CAMTA1: variants seen among roughly 807,000 people sequenced by gnomAD.
The protein encoded by CAMTA1 is calmodulin-binding transcription activator 1.
A neutral mutation model predicts 170.9 loss-of-function variants in CAMTA1; 27 were observed. That is an observed-to-expected ratio of 0.16 (90% CI 0.12 to 0.22). The LOEUF (loss-of-function observed/expected upper bound fraction) is 0.22. Among genes scored for constraint, CAMTA1 ranks in the 10% least tolerant of loss-of-function variants. The pLI, the probability that CAMTA1 is intolerant of heterozygous loss-of-function variation, is 1.00. For synonymous variants in CAMTA1, 833 were observed against 891.5 expected, an observed-to-expected ratio of 0.93 and a Z score of 1.17; for missense variants, 1,619 against 2,217.2, an observed-to-expected ratio of 0.73 and a Z score of 5.42.
At chr1:7,397,304 T>G (rs2089398802) in intron 5 of CAMTA1, among the ~76,000 whole-genome samples, 1 of 152,178 alleles carries the variant, frequency 6.6e-6, no homozygotes. Context: ...TCTCTTATGA[T>G]CCTTTGTATT....
intron 6 of CAMTA1, among the ~76,000 whole-genome samples, chr1:7,507,565 A>C (rs1056227691): frequency 5.9e-5 from 9 of 152,200 alleles, no homozygotes; most frequent in African/African-American, 4.8e-5. Context: ...CATCTTAGTA[A>C]TTGAAAGTGG....
At chr1:7,432,980 C>A (rs1051727711) in intron 5 of CAMTA1, among the ~76,000 whole-genome samples, 12 of 152,204 alleles carry the variant, frequency 7.9e-5, no homozygotes, top group Non-Finnish European at 4.4e-5. Context: ...ATCTCCAGAC[C>A]CGACAGACCC....
chr1:7,619,759 C>T (rs958399767), intron 6 of CAMTA1, among the ~76,000 whole-genome samples: 3 of 151,910 alleles, frequency 2.0e-5, no homozygotes, highest in South Asian at 2.1e-4. Context: ...AAGCGATTCT[C>T]GTGCCCCAGC....
chr1:7,649,499 G>A (rs1203149434), intron 7 of CAMTA1, among the ~76,000 whole-genome samples: 1 of 152,234 alleles, frequency 6.6e-6, no homozygotes, highest in East Asian at 1.9e-4. Context: ...CTGCCAGAAT[G>A]CCTGCAGCCC....
chr1:7,253,735 T>C (rs1341150865), intron 5 of CAMTA1, among the ~76,000 whole-genome samples: 1 of 152,216 alleles, frequency 6.6e-6, no homozygotes, highest in African/African-American at 2.4e-5. Flanking sequence ...AGCCTGGGTC[T>C]GCTTGGTTCT....
chr1:7,579,552 C>CTTTCTTTCTTT (rs1436192966), intron 6 of CAMTA1, among the ~76,000 whole-genome samples: 1 of 79,194 alleles, frequency 1.3e-5, no homozygotes, highest in African/African-American at 5.9e-5. Flanking sequence ...CTTTTCTTTT[C>CTTTCTTTCTTT]TTTTTTTTTT....
intron 11 of CAMTA1, among the ~76,000 whole-genome samples, chr1:7,708,019 A>T (rs998473260): frequency 2.0e-5 from 3 of 152,170 alleles, no homozygotes; most frequent in African/African-American, 7.2e-5. Flanking sequence ...CCATGATATG[A>T]TACCTTGTGA....
chr1:7,709,319 G>T (rs1436984943), intron 11 of CAMTA1, among the ~76,000 whole-genome samples: 1 of 152,202 alleles, frequency 6.6e-6, no homozygotes, highest in Non-Finnish European at 1.5e-5. Context: ...TATCCAGCGT[G>T]ATGCTACTCA....
intron 4 of CAMTA1, among the ~76,000 whole-genome samples, chr1:7,202,216 C>T (rs1010031037): frequency 1.4e-4 from 21 of 152,116 alleles, no homozygotes; most frequent in African/African-American, 5.1e-4. Flanking sequence ...GGGTTTATTT[C>T]TAGGCTGTCA....
chr1:7,504,449 G>A (rs771902572), intron 6 of CAMTA1, among the ~76,000 whole-genome samples: 34 of 152,226 alleles, frequency 2.2e-4, no homozygotes, highest in Admixed American at 9.2e-4. Context: ...ACCCCTGTCC[G>A]TCAGGGAGGC....
intron 6 of CAMTA1, among the ~76,000 whole-genome samples, chr1:7,528,879 A>AAGC (rs576625292): frequency 2.0e-5 from 3 of 152,228 alleles, no homozygotes; most frequent in Non-Finnish European, 4.4e-5. Context: ...CTCCATCCTG[A>AAGC]AGCAGCTGAC....
chr1:7,563,376 G>T (rs1420685415), intron 6 of CAMTA1, among the ~76,000 whole-genome samples: 1 of 152,202 alleles, frequency 6.6e-6, no homozygotes, highest in Non-Finnish European at 1.5e-5. Context: ...TTGGGGAGAT[G>T]GTCAGGACTG....
intron 6 of CAMTA1, among the ~76,000 whole-genome samples, chr1:7,557,084 G>T (rs1277002472): frequency 6.6e-6 from 1 of 152,058 alleles, no homozygotes; most frequent in Non-Finnish European, 1.5e-5. Flanking sequence ...GAGGCGGGAG[G>T]ATTGCCAGAC....
At chr1:7,008,691 TA>T (rs1699364687) in intron 3 of CAMTA1, 1 of 152,188 alleles carries the variant, frequency 6.6e-6, no homozygotes, top group Admixed American at 6.5e-5. Context: ...CCCTTACGAG[TA>T]GCTCTGAAAG....
intron 3 of CAMTA1, among the ~76,000 whole-genome samples, chr1:6,916,668 G>A (rs1466286299): frequency 6.6e-6 from 1 of 152,158 alleles, no homozygotes; most frequent in Non-Finnish European, 1.5e-5. Flanking sequence ...ACCCATGGTG[G>A]GCTCCCTAGG....
At chr1:7,071,503 C>A (rs1638643297) in intron 3 of CAMTA1, among the ~76,000 whole-genome samples, 2 of 152,084 alleles carry the variant, frequency 1.3e-5, no homozygotes, top group Admixed American at 1.3e-4. Flanking sequence ...CGTGATAAAT[C>A]TATTTTTTAA....
intron 3 of CAMTA1, among the ~76,000 whole-genome samples, chr1:6,983,364 C>T (rs780362302): frequency 3.3e-5 from 5 of 152,134 alleles, no homozygotes; most frequent in African/African-American, 7.2e-5. Flanking sequence ...CAGCTCCAGA[C>T]GCTCCAACAG....
chr1:7,671,091 C>CTGGACTCGGAGTTGGCCTTGGGG, intron 10 of CAMTA1, 54 bp downstream of exon 10: 6 of 1,597,598 alleles, frequency 3.8e-6, no homozygotes, highest in Non-Finnish European at 4.3e-6. Flanking sequence ...CTGAGGAGCA[C>CTGGACTCGGAGTTGGCCTTGGGG]TGGACTCGGA....
chr1:7,160,308 T>A, intron 4 of CAMTA1, among the ~76,000 whole-genome samples: 1 of 152,178 alleles, frequency 6.6e-6, no homozygotes, highest in African/African-American at 2.4e-5. Flanking sequence ...TATCTTCAGC[T>A]TTACTCCCCC....
Sources: allele counts gnomAD v4.1 joint callset (sites outside exome capture counted in the v4.1 genomes callset), GRCh38; gene constraint gnomAD v4.1.1; transcripts MANE v1.5; gene names NCBI Gene and HGNC (gene_info 2026-07-23, HGNC 2026-07-21).